NTRK1: variants seen among roughly 807,000 people sequenced by gnomAD.
NTRK1 encodes the protein neurotrophic receptor tyrosine kinase 1, also known as high affinity nerve growth factor receptor.
NTRK1 carries 62 observed loss-of-function variants against 86.8 expected under a neutral mutation model. The observed-to-expected ratio is 0.71, with a 90% CI of 0.58 to 0.88. The LOEUF (loss-of-function observed/expected upper bound fraction) is 0.88, where lower values mean the gene tolerates loss of function less well. Ranked by LOEUF, NTRK1 falls within the 40% of genes least tolerant of loss-of-function variation. The pLI, the probability that NTRK1 is intolerant of heterozygous loss-of-function variation, is 0.00. For synonymous variants in NTRK1, 469 were observed against 456.6 expected (o/e 1.03, Z -0.35); for missense variants, 967 against 1,078.4 (o/e 0.90, Z 1.45).
At chr1:156,836,501 G>A (rs1374227609) in intron 1 of NTRK1, among the ~76,000 whole-genome samples, 1 of 152,162 alleles carries the variant, frequency 6.6e-6, no homozygotes, top group Non-Finnish European at 1.5e-5. Context: ...GGAAGGACAG[G>A]GTAGGGAGAG....
chr1:156,863,179 G>C (rs552994356), intron 1 of NTRK1, among the ~76,000 whole-genome samples: 6 of 152,266 alleles, frequency 3.9e-5, no homozygotes, highest in South Asian at 2.1e-4. Context: ...GGCGTCAGCT[G>C]TCCCCTAGCC....
At chr1:156,827,096 T>C (rs1423048378) in intron 1 of NTRK1, among the ~76,000 whole-genome samples, 2 of 152,118 alleles carry the variant, frequency 1.3e-5, no homozygotes, top group Non-Finnish European at 2.9e-5. Flanking sequence ...TTTCTTTATT[T>C]TTTTGAGACA....
At chr1:156,875,688 A>G in intron 12 of NTRK1, 22 bp downstream of exon 12, 3 of 1,584,946 alleles carry the variant, frequency 1.9e-6, no homozygotes, top group Non-Finnish European at 2.6e-6. Context: ...TGCTGGGTCA[A>G]GGGCAGGGAC....
At chr1:156,865,424 C>T (rs763624799) in intron 3 of NTRK1, among the ~76,000 whole-genome samples, 20 of 152,276 alleles carry the variant, frequency 1.3e-4, no homozygotes, top group Middle Eastern at 3.4e-3. Flanking sequence ...CCCTCACGTG[C>T]GCAGTAGTTC....
chr1:156,845,696 C>T (rs1432718487), intron 2 of NTRK1: 5 of 1,612,988 alleles, frequency 3.1e-6, no homozygotes, highest in Non-Finnish European at 3.4e-6. Flanking sequence ...CCAGCGGGGG[C>T]AGAACCTGAC....
intron 10 of NTRK1, 99 bp downstream of exon 10, chr1:156,874,725 C>T (rs2102910905): frequency 7.3e-7 from 1 of 1,373,196 alleles, no homozygotes; most frequent in South Asian, 1.2e-5. Context: ...GAGATCACTA[C>T]CATCTGGCCT....
intron 2 of NTRK1, chr1:156,844,948 G>T: frequency 1.3e-6 from 2 of 1,563,508 alleles, no homozygotes; most frequent in Non-Finnish European, 1.7e-6. Context: ...AAAGCTTTGG[G>T]ATTATGGGAA....
At chr1:156,846,064 C>T (rs1654996533) in intron 2 of NTRK1, 1 of 1,612,378 alleles carries the variant, frequency 6.2e-7, no homozygotes, top group South Asian at 1.1e-5. Flanking sequence ...TCCAGCGCAC[C>T]AGGAGGTGGG....
chr1:156,860,854 C>G, upstream of NTRK1: 1 of 1,376,564 alleles, frequency 7.3e-7, no homozygotes, highest in Non-Finnish European at 9.3e-7. Context: ...CCGCCCAGCG[C>G]ACATGTCGGG....
chr1:156,846,275 G>A (rs1320920665), intron 2 of NTRK1, among the ~76,000 whole-genome samples: 1 of 151,978 alleles, frequency 6.6e-6, no homozygotes, highest in African/African-American at 2.4e-5. Context: ...TTTTGTTTCT[G>A]TCCTCCCCTT....
At chr1:156,843,386 TC>T in intron 2 of NTRK1, 1 of 1,605,446 alleles carries the variant, frequency 6.2e-7, no homozygotes. Flanking sequence ...CTCTCCTGTC[TC>T]CCTTTCCCAC....
chr1:156,840,964 G>T, intron 1 of NTRK1: 1 of 1,613,908 alleles, frequency 6.2e-7, no homozygotes. Context: ...GGAGCCCCGG[G>T]CCCCCCGGCA....
chr1:156,826,515 T>G (rs1316286484), intron 1 of NTRK1, among the ~76,000 whole-genome samples: 1 of 151,936 alleles, frequency 6.6e-6, no homozygotes, highest in Non-Finnish European at 1.5e-5. Context: ...GGTCTTGATC[T>G]CCTGACCTCG....
chr1:156,857,695 TC>T (rs1449646807), upstream of NTRK1, among the ~76,000 whole-genome samples: 1 of 151,996 alleles, frequency 6.6e-6, no homozygotes, highest in African/African-American at 2.4e-5. Context: ...AAGAGGAGAC[TC>T]CCCTGCCCCT....
chr1:156,843,288 C>G, intron 2 of NTRK1: 2 of 1,570,860 alleles, frequency 1.3e-6, no homozygotes, highest in East Asian at 4.5e-5. Context: ...CCACACCTCA[C>G]CCCCCAACTT....
chr1:156,874,022 C>T (rs1213241437), intron 8 of NTRK1, 63 bp downstream of exon 8: 3 of 1,486,918 alleles, frequency 2.0e-6, no homozygotes, highest in African/African-American at 1.4e-5. Flanking sequence ...CAGCCAACTT[C>T]CTGCTATAGC....
chr1:156,864,509 C>T (rs1010345373), intron 2 of NTRK1, 81 bp downstream of exon 2: 49 of 1,460,976 alleles, frequency 3.4e-5, no homozygotes, highest in Middle Eastern at 3.6e-4. Context: ...CTCAAGCATC[C>T]GAGGGCCTGG....
At chr1:156,839,209 G>A (rs1415209219) in intron 1 of NTRK1, among the ~76,000 whole-genome samples, 5 of 152,218 alleles carry the variant, frequency 3.3e-5, no homozygotes, top group Non-Finnish European at 5.9e-5. Context: ...ACGCAGACTC[G>A]TGCCCACTCC....
intron 2 of NTRK1, chr1:156,844,636 G>T (rs369873985): frequency 5.9e-5 from 95 of 1,613,880 alleles, no homozygotes; most frequent in Admixed American, 1.0e-4. Flanking sequence ...TGAGAGTAAC[G>T]CAGAACAGCT....
Sources: allele counts gnomAD v4.1 joint callset (sites outside exome capture counted in the v4.1 genomes callset), GRCh38; gene constraint gnomAD v4.1.1; transcripts MANE v1.5; gene names NCBI Gene and HGNC (gene_info 2026-07-23, HGNC 2026-07-21).